Variants in IQGAP2 observed in about 807,000 individuals in gnomAD.
IQGAP2 encodes IQ motif containing GTPase activating protein 2.
A neutral mutation model predicts 201.3 loss-of-function variants in IQGAP2; 173 were observed. The ratio of observed to expected loss-of-function variants is 0.86; its 90% CI spans 0.76 to 0.98. The LOEUF is 0.98. Ranked by LOEUF, IQGAP2 falls within the 50% of genes least tolerant of loss-of-function variation. The pLI is 0.00. For synonymous variants in IQGAP2, 675 were observed against 673.9 expected (o/e 1.00, Z -0.03); for missense variants, 1,687 against 1,864.8 (o/e 0.90, Z 1.76).
chr5:76,557,146 G>A (rs1257202097), intron 2 of IQGAP2, among the ~76,000 whole-genome samples: 1 of 152,184 alleles, frequency 6.6e-6, no homozygotes, highest in African/African-American at 2.4e-5. Context: ...TTTTACACTA[G>A]GCTAGAGGAT....
Position 76,697,853 on chromosome 5 carries a change from A to T in IQGAP2, c.4207-134A>T, listed in dbSNP as rs1746899452. 3 of 602,236 alleles carry T rather than the reference A, an allele frequency of 5.0e-6. No individual in the cohort carries two copies. In the East Asian group the frequency reaches 9.0e-5, roughly 18 times the overall value. The allele number at this position is 602,236 out of a possible 1,614,324, so 37.3% of individuals were successfully genotyped here. Reference sequence around the variant, plus strand: ...ACCCTGTGGTGTTGAGAGTAAAATAAGGTGCCTGAGATAAGCTACAAGTCA... The same window carrying T: ...ACCCTGTGGTGTTGAGAGTAAAATATGGTGCCTGAGATAAGCTACAAGTCA... On this transcript the variant is annotated intron_variant, in intron 32 of 35. Transcript: ENST00000274364.
intron 24 of IQGAP2, among the ~76,000 whole-genome samples, chr5:76,672,373 G>A (rs943719682): frequency 2.0e-5 from 3 of 152,142 alleles, no homozygotes; most frequent in Admixed American, 6.5e-5. Context: ...TGGGTGGGTG[G>A]TTGTAGATTT....
At chr5:76,473,003 C>T (rs940218523) in intron 2 of IQGAP2, among the ~76,000 whole-genome samples, 1 of 152,174 alleles carries the variant, frequency 6.6e-6, no homozygotes, top group Non-Finnish European at 1.5e-5. Flanking sequence ...AGCATTATCC[C>T]CATTTGATAG....
rs983842954 is a variant in IQGAP2 at position 76,645,509 on chromosome 5, C to T, written c.2094+4406C>T. Among the ~76,000 whole-genome samples, 7 of 152,330 alleles carry T rather than the reference C, an allele frequency of 4.6e-5. No individual in the cohort carries two copies. The East Asian group carries it at 1.4e-3, about 29-fold the overall frequency. On this transcript the variant is annotated intron_variant, in intron 17 of 35. Coordinates refer to ENST00000274364, the MANE Select transcript of IQGAP2 (RefSeq NM_006633.5). ...TATTTCTCCACATCCTCTCCAGCAT[C>T]TATTGTTTCCTGACGTTTTAATGAT...
rs759859324 is a variant in IQGAP2, at chr5:76,674,530, A to G, written c.3348A>G (p.Pro1116=). 6.2e-7 allele frequency: 1 copy of G among 1,614,120 alleles called. No homozygotes were observed. The highest frequency in any genetic ancestry group is 8.5e-7 in the Non-Finnish European group (1 of 1,179,946). ...ACATGAATCCAGCCATTGTAGCTCCAGATGGCTTTGATATCATCGACATGA... is the reference window on the plus strand; with the variant it reads ...ACATGAATCCAGCCATTGTAGCTCCGGATGGCTTTGATATCATCGACATGA... ...YRYMNPAIVA[P]DGFDIIDMTA... Residue 1116 remains proline (P), a synonymous_variant, in exon 27 of 36, where the codon CCA becomes CCG. Coordinates refer to ENST00000274364, the MANE Select transcript of IQGAP2 (RefSeq NM_006633.5).
rs1359236819 is a variant in IQGAP2 at position 76,592,942 on chromosome 5, A to C, written c.907+17A>C. ...AAGTCAACAGTAAGTAATGGATCGT[A>C]TGAAGGAAATTGATATTTCCGTAAG... On this transcript the variant is annotated intron_variant, in intron 9 of 35. Coordinates refer to ENST00000274364, the MANE Select transcript of IQGAP2 (RefSeq NM_006633.5). 1.3e-6 allele frequency: 2 copies of C among 1,496,754 alleles called. No individual in the cohort carries two copies. The highest frequency in any genetic ancestry group is 2.3e-5 in the South Asian group (2 of 87,420). 92.7% of individuals were successfully genotyped at this position (1,496,754 alleles called of 1,614,324 possible).
chr5:76,699,844 T>A lies in IQGAP2; in HGVS notation c.4368-1232T>A, dbSNP rs13180835. On this transcript the variant is annotated intron_variant, in intron 33 of 35. Coordinates refer to ENST00000274364, the MANE Select transcript of IQGAP2 (RefSeq NM_006633.5). Reference sequence around the variant, plus strand: ...CTCTCTCTCTCTCTCTCTCTCTCTCTCACTCTCGTGCTCTCTCTCTCTCCA... The same window carrying A: ...CTCTCTCTCTCTCTCTCTCTCTCTCACACTCTCGTGCTCTCTCTCTCTCCA... Among the ~76,000 whole-genome samples the A allele has an allele frequency of 6.2e-5, 3 of 48,504 alleles. 1 individual carries two copies. The highest frequency in any genetic ancestry group is 2.5e-4 in the African/African-American group (3 of 11,970). The allele number at this position is 48,504 out of a possible 152,430, so 31.8% of individuals were successfully genotyped here. A position where few individuals can be genotyped will look rare whatever the true frequency, so the allele number is the denominator to read the frequency against.
chr5:76,460,144 TG>T (rs1381943379), intron 1 of IQGAP2, among the ~76,000 whole-genome samples: 10 of 151,958 alleles, frequency 6.6e-5, no homozygotes, highest in Non-Finnish European at 1.5e-5. Flanking sequence ...TGATTTACAG[TG>T]GGGGGCTTTT....
At chr5:76,608,193 A>G (rs879404118) in intron 12 of IQGAP2, 2 of 152,248 alleles carry the variant, frequency 1.3e-5, no homozygotes, top group Non-Finnish European at 2.9e-5. Context: ...GCTTTTATCT[A>G]TCAAGGTAAC....
chr5:76,613,537 T>C (rs1748594178), intron 13 of IQGAP2, among the ~76,000 whole-genome samples: 1 of 152,152 alleles, frequency 6.6e-6, no homozygotes, highest in Non-Finnish European at 1.5e-5. Flanking sequence ...AATATATAAC[T>C]ATAGGTACTA....
At chr5:76,416,197 G>T (rs1194264913) in intron 1 of IQGAP2, among the ~76,000 whole-genome samples, 1 of 152,138 alleles carries the variant, frequency 6.6e-6, no homozygotes, top group African/African-American at 2.4e-5. Context: ...ATGCCTTCAG[G>T]GGTCAAATGT....
At chr5:76,548,948 T>C (rs776181501) in intron 2 of IQGAP2, among the ~76,000 whole-genome samples, 1 of 152,126 alleles carries the variant, frequency 6.6e-6, no homozygotes, top group Non-Finnish European at 1.5e-5. Flanking sequence ...TGCAACAGAC[T>C]GGGATGGGAG....
intron 2 of IQGAP2, among the ~76,000 whole-genome samples, chr5:76,483,140 C>A (rs896499001): frequency 6.6e-6 from 1 of 152,178 alleles, no homozygotes; most frequent in Non-Finnish European, 1.5e-5. Flanking sequence ...AAAGAATGTG[C>A]GCCTTCAGCT....
chr5:76,501,843 A>G lies in IQGAP2; in HGVS notation c.146+40174A>G, dbSNP rs533014603. On this transcript the variant is annotated intron_variant, in intron 2 of 35. Coordinates refer to ENST00000274364, the MANE Select transcript of IQGAP2 (RefSeq NM_006633.5). ...TTTTCGTAGAGGCGGGGGTTTCACCATGTTGGTCCGGGTGGTCTCGAACTC... is the reference window on the plus strand; with the variant it reads ...TTTTCGTAGAGGCGGGGGTTTCACCGTGTTGGTCCGGGTGGTCTCGAACTC... Among the ~76,000 whole-genome samples the G allele has an allele frequency of 3.7e-3, 555 of 151,240 alleles. 2 individuals carry two copies. Among genetic ancestry groups the G allele is most frequent in the African/African-American group, 0.013 (536 of 41,198 alleles).
intron 1 of IQGAP2, among the ~76,000 whole-genome samples, chr5:76,409,150 A>G (rs911094982): frequency 2.0e-5 from 3 of 150,890 alleles, no homozygotes; most frequent in Non-Finnish European, 4.4e-5. Context: ...ACCTGTGGCC[A>G]TTGGATAGTG....
Position 76,637,087 on chromosome 5 carries a change from T to C in IQGAP2, c.1834T>C (p.Tyr612His), listed in dbSNP as rs766082052. Reference protein sequence around the residue: ...KLNLHKKYDYYYNTDSKESSW... With the variant: ...KLNLHKKYDYHYNTDSKESSW... ...CAACCTGCACAAAAAATATGACTAC[T>C]ATTACAACACTGATTCAAAAGAGAG... Residue 612 changes from tyrosine to histidine, a missense_variant, in exon 16 of 36, where the codon TAT becomes CAT. Physicochemically the swap from Tyr to His is moderately conservative, Grantham distance 83. Transcript: ENST00000274364. 5 of 1,611,552 alleles carry C rather than the reference T, an allele frequency of 3.1e-6. No individual in the cohort carries two copies. In the South Asian group the frequency reaches 4.4e-5, roughly 14 times the overall value.
chr5:76,541,201 G>C (rs1742746962), intron 2 of IQGAP2, among the ~76,000 whole-genome samples: 1 of 149,634 alleles, frequency 6.7e-6, no homozygotes, highest in Non-Finnish European at 1.5e-5. Flanking sequence ...CCTCCTCCTA[G>C]CCCCCTGGTA....
rs1245626015 is a variant in IQGAP2 at position 76,606,160 on chromosome 5, A to G, written c.1233-19A>G. On this transcript the variant is annotated intron_variant, in intron 11 of 35. Coordinates refer to ENST00000274364, the MANE Select transcript of IQGAP2 (RefSeq NM_006633.5). ...ATGAATGTCTCTAATTAACATCAAG[A>G]TTATTTTCTCTTCCACAGTTATGCA... The G allele has an allele frequency of 6.4e-7, 1 of 1,573,420 alleles. No homozygotes were observed.
chr5:76,436,548 T>G (rs2150098632), intron 1 of IQGAP2, among the ~76,000 whole-genome samples: 1 of 75,354 alleles, frequency 1.3e-5, no homozygotes, highest in Non-Finnish European at 2.8e-5. Context: ...TTTTTTTTTT[T>G]TGAGACAGAG....
Sources: allele counts gnomAD v4.1 joint callset (sites outside exome capture counted in the v4.1 genomes callset), GRCh38; gene constraint gnomAD v4.1.1; transcripts MANE v1.5; gene names NCBI Gene and HGNC (gene_info 2026-07-23, HGNC 2026-07-21).